Variants in CARMIL1 observed in about 807,000 individuals in gnomAD.
CARMIL1 encodes the protein F-actin-uncapping protein LRRC16A.
A neutral mutation model predicts 177.1 loss-of-function variants in CARMIL1; 90 were observed. The observed-to-expected ratio is 0.51, with a 90% CI of 0.43 to 0.61. The LOEUF is 0.61. Ranked by LOEUF, CARMIL1 falls within the 20% of genes least tolerant of loss-of-function variation. The pLI is 0.00. For missense variants in CARMIL1, 1,380 were observed against 1,667.0 expected, an observed-to-expected ratio of 0.83 and a Z score of 3.00; for synonymous variants, 577 against 606.2, an observed-to-expected ratio of 0.95 and a Z score of 0.71.
intron 29 of CARMIL1, among the ~76,000 whole-genome samples, chr6:25,580,430 C>T (rs1475865949): frequency 6.6e-6 from 1 of 152,158 alleles, no homozygotes; most frequent in Non-Finnish European, 1.5e-5. Flanking sequence ...ATCCTAGCAC[C>T]TTTTCCTGGT....
At chr6:25,609,969 T>C in intron 35 of CARMIL1, 81 bp from the exon 36 acceptor site, 1 of 1,387,140 alleles carries the variant, frequency 7.2e-7, no homozygotes. Flanking sequence ...TGACTTATTT[T>C]TATATATAGA....
At chr6:25,542,736 A>G (rs534412030) in intron 26 of CARMIL1, among the ~76,000 whole-genome samples, 1 of 152,256 alleles carries the variant, frequency 6.6e-6, no homozygotes, top group East Asian at 1.9e-4. Flanking sequence ...GATACTTATA[A>G]TGGACTTCCT....
At chr6:25,471,761 T>C (rs1201772776) in intron 10 of CARMIL1, among the ~76,000 whole-genome samples, 2 of 152,194 alleles carry the variant, frequency 1.3e-5, no homozygotes, top group African/African-American at 4.8e-5. Context: ...TTTGCTTTGA[T>C]CAGTTTTAGT....
chr6:25,493,165 G>A (rs1342917663), intron 15 of CARMIL1, among the ~76,000 whole-genome samples: 1 of 152,172 alleles, frequency 6.6e-6, no homozygotes, highest in Non-Finnish European at 1.5e-5. Flanking sequence ...GCACTTTTGA[G>A]TTCAAAATAC....
intron 2 of CARMIL1, among the ~76,000 whole-genome samples, chr6:25,389,377 T>C (rs73730710): frequency 3.1e-4 from 47 of 151,912 alleles, no homozygotes; most frequent in African/African-American, 1.1e-3. Context: ...GGGGGGGTCT[T>C]GCTGTGTTGC....
chr6:25,520,575 C>T (rs1336125970), intron 23 of CARMIL1, among the ~76,000 whole-genome samples: 6 of 152,144 alleles, frequency 3.9e-5, no homozygotes, highest in African/African-American at 1.4e-4. Context: ...AACATTCTTA[C>T]AGCATCAACA....
chr6:25,459,273 T>TTCTTTTCTTTTCTTTTCTTCTTTC (rs1799907153), intron 8 of CARMIL1, among the ~76,000 whole-genome samples: 1 of 132,758 alleles, frequency 7.5e-6, no homozygotes, highest in African/African-American at 3.0e-5. Flanking sequence ...TTTCTTTTTT[T>TTCTTTTCTTTTCTTTTCTTCTTTC]TTTTTTTAAG....
intron 29 of CARMIL1, 31 bp from the exon 30 acceptor site, chr6:25,580,893 G>A: frequency 6.7e-7 from 1 of 1,484,086 alleles, no homozygotes; most frequent in Non-Finnish European, 9.2e-7. Flanking sequence ...GGCTACCTAA[G>A]TGTTTTTTTA....
intron 5 of CARMIL1, among the ~76,000 whole-genome samples, chr6:25,449,575 T>A (rs1257875478): frequency 6.6e-6 from 1 of 152,238 alleles, no homozygotes; most frequent in Non-Finnish European, 1.5e-5. Context: ...AATTTATATT[T>A]GGTATATACG....
chr6:25,308,442 C>T (rs1209000330), intron 2 of CARMIL1, among the ~76,000 whole-genome samples: 1 of 144,386 alleles, frequency 6.9e-6, no homozygotes, highest in Admixed American at 7.3e-5. Context: ...AGTGCAGTGG[C>T]ACGATCTCGG....
intron 2 of CARMIL1, among the ~76,000 whole-genome samples, chr6:25,362,664 C>A (rs995616832): frequency 6.6e-6 from 1 of 151,744 alleles, no homozygotes; most frequent in East Asian, 1.9e-4. Context: ...ACAGAGACTC[C>A]GTCTCAAAAA....
intron 29 of CARMIL1, among the ~76,000 whole-genome samples, chr6:25,580,347 G>C (rs1253982013): frequency 4.6e-5 from 7 of 152,112 alleles, no homozygotes; most frequent in Non-Finnish European, 8.8e-5. Flanking sequence ...TTTGAGTTTC[G>C]GTTTCATTTT....
intron 32 of CARMIL1, among the ~76,000 whole-genome samples, chr6:25,598,287 A>G (rs1031667590): frequency 3.3e-5 from 5 of 151,962 alleles, no homozygotes; most frequent in Non-Finnish European, 5.9e-5. Context: ...CACCCAGGCT[A>G]TAGTGCAGTG....
chr6:25,483,522 G>A (rs571861554), intron 12 of CARMIL1, among the ~76,000 whole-genome samples: 36 of 151,644 alleles, frequency 2.4e-4, no homozygotes, highest in Non-Finnish European at 4.3e-4. Flanking sequence ...CACCAGTACC[G>A]GCACCACCAC....
chr6:25,434,084 G>A (rs1338576741), intron 4 of CARMIL1, among the ~76,000 whole-genome samples: 2 of 152,130 alleles, frequency 1.3e-5, no homozygotes, highest in Non-Finnish European at 2.9e-5. Flanking sequence ...TTGGGGGGTA[G>A]GAAGATGGGG....
At chr6:25,528,669 A>G (rs1195969424) in intron 23 of CARMIL1, 126 bp from the exon 24 acceptor site, 1 of 718,538 alleles carries the variant, frequency 1.4e-6, no homozygotes, top group Non-Finnish European at 2.5e-6. Flanking sequence ...TGTGGGGTCA[A>G]AGCACTGGCA....
chr6:25,570,199 C>T (rs1345060853), intron 29 of CARMIL1, among the ~76,000 whole-genome samples: 2 of 152,154 alleles, frequency 1.3e-5, no homozygotes, highest in African/African-American at 2.4e-5. Flanking sequence ...CTCCTGAGCT[C>T]GTGATCTGCC....
chr6:25,459,269 T>TCGTTCGTTCGTTCGTTCGTTCGTTCG (rs56094712), intron 8 of CARMIL1, among the ~76,000 whole-genome samples: 1 of 118,170 alleles, frequency 8.5e-6, no homozygotes, highest in African/African-American at 3.2e-5. Flanking sequence ...TTTCTTTCTT[T>TCGTTCGTTCGTTCGTTCGTTCGTTCG]TTTTTTTTTT....
chr6:25,333,469 G>A (rs1217468906), intron 2 of CARMIL1, among the ~76,000 whole-genome samples: 1 of 152,206 alleles, frequency 6.6e-6, no homozygotes, highest in Non-Finnish European at 1.5e-5. Flanking sequence ...GGGAGGCTGA[G>A]GCAGGGGCAT....
Sources: gnomAD v4.1 joint callset for allele counts (sites outside exome capture counted in the v4.1 genomes callset) on GRCh38, gnomAD v4.1.1 for gene constraint, MANE v1.5 for transcripts, NCBI Gene and HGNC (gene_info 2026-07-23, HGNC 2026-07-21) for gene names.